FTO: variants seen among roughly 807,000 people sequenced by gnomAD.
The protein encoded by FTO is alpha-ketoglutarate-dependent dioxygenase FTO.
A neutral mutation model predicts 63.9 loss-of-function variants in FTO; 47 were observed. The ratio of observed to expected loss-of-function variants is 0.74; its 90% CI spans 0.58 to 0.94. The LOEUF (loss-of-function observed/expected upper bound fraction) is 0.94, where lower values mean the gene tolerates loss of function less well. Ranked by LOEUF, FTO falls within the 40% of genes least tolerant of loss-of-function variation. The pLI is 0.00. For missense variants in FTO, 562 were observed against 618.1 expected (o/e 0.91, Z 0.96); for synonymous variants, 207 against 224.4 (o/e 0.92, Z 0.69).
intron 8 of FTO, among the ~76,000 whole-genome samples, chr16:53,975,420 C>T (rs1298935986): frequency 6.6e-6 from 1 of 151,912 alleles, no homozygotes; most frequent in Non-Finnish European, 1.5e-5. Flanking sequence ...TGCTATTACA[C>T]AGAATTTAGT....
intron 8 of FTO, chr16:53,994,330 C>T (rs1220879576): frequency 6.6e-6 from 1 of 151,958 alleles, no homozygotes; most frequent in African/African-American, 2.4e-5. Context: ...GTGTTCTCTC[C>T]ATGGATTCTT....
intron 8 of FTO, chr16:53,965,902 C>G (rs1291594315): frequency 6.8e-6 from 1 of 148,084 alleles, no homozygotes; most frequent in African/African-American, 2.5e-5. Context: ...GAGTCTTCCT[C>G]TGTCACCCAG....
At chr16:53,706,265 T>C (rs916241380) in intron 1 of FTO, among the ~76,000 whole-genome samples, 1 of 152,246 alleles carries the variant, frequency 6.6e-6, no homozygotes, top group African/African-American at 2.4e-5. Flanking sequence ...TTATCTTCTC[T>C]TTTTCTAATC....
chr16:53,894,380 G>C (rs1567408556), intron 7 of FTO, among the ~76,000 whole-genome samples: 1 of 152,118 alleles, frequency 6.6e-6, no homozygotes, highest in Non-Finnish European at 1.5e-5. Flanking sequence ...TTTTTGGAGA[G>C]ATTAATGAAG....
chr16:53,880,070 C>A, intron 6 of FTO, 83 bp downstream of exon 6: 1 of 982,694 alleles, frequency 1.0e-6, no homozygotes, highest in Non-Finnish European at 1.6e-6. Context: ...CCTCGGCTCA[C>A]TACAACCTCC....
intron 8 of FTO, among the ~76,000 whole-genome samples, chr16:53,944,669 G>A (rs1185743833): frequency 6.6e-6 from 1 of 152,076 alleles, no homozygotes; most frequent in Non-Finnish European, 1.5e-5. Context: ...ACCCCTCTGA[G>A]CCTCAATTTT....
At chr16:53,862,021 G>T (rs560463201) in intron 4 of FTO, among the ~76,000 whole-genome samples, 80 of 152,258 alleles carry the variant, frequency 5.3e-4, no homozygotes, top group Non-Finnish European at 1.1e-3. Context: ...GGAGGTCGAG[G>T]TGGGCAGATC....
At chr16:53,962,674 T>A (rs964631861) in intron 8 of FTO, among the ~76,000 whole-genome samples, 2 of 152,186 alleles carry the variant, frequency 1.3e-5, no homozygotes, top group Non-Finnish European at 2.9e-5. Context: ...TTAGTGTCTG[T>A]GGTGGAGGAT....
intron 7 of FTO, among the ~76,000 whole-genome samples, chr16:53,932,873 T>C (rs565504610): frequency 2.6e-5 from 4 of 152,318 alleles, no homozygotes; most frequent in African/African-American, 7.2e-5. Context: ...TTCTTTATCA[T>C]TCCTCTCAAG....
At chr16:53,783,424 G>A (rs947165678) in intron 1 of FTO, among the ~76,000 whole-genome samples, 2 of 151,878 alleles carry the variant, frequency 1.3e-5, no homozygotes, top group Non-Finnish European at 2.9e-5. Flanking sequence ...TGGCTAACAC[G>A]GTGAAACCCC....
chr16:53,760,670 A>C (rs1598593694), intron 1 of FTO, among the ~76,000 whole-genome samples: 1 of 129,504 alleles, frequency 7.7e-6, no homozygotes, highest in Non-Finnish European at 1.6e-5. Flanking sequence ...TCTGTTGCCC[A>C]GACTGGAGTG....
At chr16:53,924,159 T>G (rs2082080372) in intron 7 of FTO, among the ~76,000 whole-genome samples, 1 of 152,212 alleles carries the variant, frequency 6.6e-6, no homozygotes, top group South Asian at 2.1e-4. Flanking sequence ...TTTCTAACAT[T>G]TATCAAGCAT....
intron 4 of FTO, among the ~76,000 whole-genome samples, chr16:53,845,650 T>C (rs1488753915): frequency 6.6e-6 from 1 of 152,334 alleles, no homozygotes; most frequent in East Asian, 1.9e-4. Context: ...GCTTTAGAAA[T>C]ATAAATATAG....
At chr16:53,820,631 C>T (rs912942048) in intron 2 of FTO, among the ~76,000 whole-genome samples, 1 of 146,374 alleles carries the variant, frequency 6.8e-6, no homozygotes, top group African/African-American at 2.5e-5. Context: ...CCTCCCCCTC[C>T]CCCCACCCCA....
chr16:53,930,030 A>G (rs2082242148), intron 7 of FTO, among the ~76,000 whole-genome samples: 1 of 152,056 alleles, frequency 6.6e-6, no homozygotes, highest in African/African-American at 2.4e-5. Context: ...CTTCAGCTCC[A>G]TCTGTTTATG....
Position 53,873,845 on chromosome 16 carries a change from T to A in FTO, c.955T>A (p.Ser319Thr). 1 of 1,612,860 alleles carries A rather than the reference T, an allele frequency of 6.2e-7. No homozygotes were observed. The highest frequency in any genetic ancestry group is 8.5e-7 in the Non-Finnish European group (1 of 1,179,072). The change falls in exon 5 of 9, where the codon TCC becomes ACC. Residue 319 changes from serine (S) to threonine (T), a missense_variant. Physicochemically the swap from Ser to Thr is moderately conservative, Grantham distance 58 (BLOSUM62 1). Transcript: ENST00000471389. Reference sequence around the variant, plus strand: ...GGCCGGTTCACAACCTCGGTTTAGTTCCACCCACCGAGTGGCAGAGGTAAG... The same window carrying A: ...GGCCGGTTCACAACCTCGGTTTAGTACCACCCACCGAGTGGCAGAGGTAAG... ...VLAGSQPRFS[S>T]THRVAECSTG...
At chr16:53,855,841 A>AT (rs1376330497) in intron 4 of FTO, among the ~76,000 whole-genome samples, 1 of 152,110 alleles carries the variant, frequency 6.6e-6, no homozygotes, top group Non-Finnish European at 1.5e-5. Flanking sequence ...TCCCTTCTAA[A>AT]TTTTTTTATA....
chr16:53,902,464 C>G (rs1450658362), intron 7 of FTO, among the ~76,000 whole-genome samples: 2 of 152,206 alleles, frequency 1.3e-5, no homozygotes, highest in African/African-American at 4.8e-5. Context: ...GGATATTTCT[C>G]TGATGCATTC....
intron 8 of FTO, among the ~76,000 whole-genome samples, chr16:54,084,536 CT>C (rs1180869435): frequency 6.6e-6 from 1 of 152,184 alleles, no homozygotes; most frequent in African/African-American, 2.4e-5. Context: ...AGTGTATTTT[CT>C]TTGTCTCTCT....
Sources: allele counts gnomAD v4.1 joint callset (sites outside exome capture counted in the v4.1 genomes callset), GRCh38; gene constraint gnomAD v4.1.1; transcripts MANE v1.5; gene names NCBI Gene and HGNC (gene_info 2026-07-23, HGNC 2026-07-21).